The following RGS7 variants were observed in gnomAD, a reference collection of about 807,000 sequenced individuals.
RGS7 encodes regulator of G-protein signaling 7.
RGS7 carries 27 observed loss-of-function variants against 81.1 expected under a neutral mutation model. That is an observed-to-expected ratio of 0.33 (90% CI 0.25 to 0.46). The LOEUF (loss-of-function observed/expected upper bound fraction) is 0.46, where lower values mean the gene tolerates loss of function less well. RGS7 is among the 20% of genes least tolerant of loss of function. The pLI is 1.00. For missense variants in RGS7, 396 were observed against 607.4 expected, an observed-to-expected ratio of 0.65 and a Z score of 3.66; for synonymous variants, 208 against 207.7, an observed-to-expected ratio of 1.00 and a Z score of -0.01.
At chr1:240,806,389 A>T in intron 14 of RGS7, 63 bp from the exon 15 acceptor site, 1 of 1,509,480 alleles carries the variant, frequency 6.6e-7, no homozygotes. Flanking sequence ...TTCTTGTGAC[A>T]TTTACGGATC....
intron 3 of RGS7, among the ~76,000 whole-genome samples, chr1:241,067,215 T>C (rs1439076985): frequency 1.3e-5 from 2 of 152,186 alleles, no homozygotes; most frequent in Non-Finnish European, 2.9e-5. Context: ...GAAGATCAAC[T>C]CTCTCTTCCC....
At chr1:240,790,909 C>T (rs1685887549) in intron 18 of RGS7, among the ~76,000 whole-genome samples, 1 of 152,152 alleles carries the variant, frequency 6.6e-6, no homozygotes, top group South Asian at 2.1e-4. Context: ...ATAATCTTTT[C>T]TATCTCATGT....
At chr1:241,089,983 G>A (rs1453144809) in intron 3 of RGS7, among the ~76,000 whole-genome samples, 1 of 115,212 alleles carries the variant, frequency 8.7e-6, no homozygotes, top group African/African-American at 3.9e-5. Context: ...GGCAGAGTGA[G>A]ACTCCATCTC....
At chr1:241,155,531 G>A (rs1269685183) in intron 2 of RGS7, among the ~76,000 whole-genome samples, 1 of 145,248 alleles carries the variant, frequency 6.9e-6, no homozygotes, top group Non-Finnish European at 1.5e-5. Flanking sequence ...CTGTAAGAAA[G>A]CCCTGAGAAG....
chr1:240,957,416 T>C (rs1416454872), intron 4 of RGS7, among the ~76,000 whole-genome samples: 4 of 152,188 alleles, frequency 2.6e-5, no homozygotes, highest in Non-Finnish European at 2.9e-5. Context: ...TCCTTGCTCC[T>C]CACCTTGCAG....
intron 2 of RGS7, among the ~76,000 whole-genome samples, chr1:241,129,762 G>T (rs189248253): frequency 1.3e-5 from 2 of 152,002 alleles, no homozygotes; most frequent in African/African-American, 2.4e-5. Context: ...CCACGAGTCT[G>T]TATTTCCAAA....
intron 2 of RGS7, among the ~76,000 whole-genome samples, chr1:241,242,575 C>T (rs1213829528): frequency 2.0e-5 from 3 of 152,176 alleles, no homozygotes; most frequent in Non-Finnish European, 4.4e-5. Flanking sequence ...AGTGGTTGTA[C>T]TGGTTTACAT....
At chr1:241,114,333 CTCTCTT>C (rs1195791281) in intron 2 of RGS7, among the ~76,000 whole-genome samples, 1 of 152,124 alleles carries the variant, frequency 6.6e-6, no homozygotes, top group Non-Finnish European at 1.5e-5. Flanking sequence ...TTCTCTCTCT[CTCTCTT>C]TCTCTCTCTT....
intron 2 of RGS7, among the ~76,000 whole-genome samples, chr1:241,341,057 A>AT (rs1414990184): frequency 2.6e-5 from 4 of 152,228 alleles, no homozygotes; most frequent in African/African-American, 9.6e-5. Flanking sequence ...ATCAAGCCCT[A>AT]TTTTTGTGTG....
intron 2 of RGS7, among the ~76,000 whole-genome samples, chr1:241,314,226 C>T (rs565461941): frequency 7.9e-5 from 12 of 152,284 alleles, no homozygotes; most frequent in Admixed American, 5.2e-4. Flanking sequence ...AGAAATCTTT[C>T]GTGAAAGAAA....
intron 2 of RGS7, among the ~76,000 whole-genome samples, chr1:241,178,536 C>T (rs571898771): frequency 1.3e-5 from 2 of 151,910 alleles, no homozygotes; most frequent in South Asian, 4.2e-4. Context: ...TCAGCAAGGA[C>T]CAAGAAAGTA....
intron 3 of RGS7, among the ~76,000 whole-genome samples, chr1:241,033,373 G>C (rs558737166): frequency 2.6e-5 from 4 of 151,846 alleles, no homozygotes; most frequent in African/African-American, 7.3e-5. Context: ...CTGGGGGAGC[G>C]GGGGAGGAAA....
chr1:241,085,220 G>A (rs577389183), intron 3 of RGS7, among the ~76,000 whole-genome samples: 17 of 152,294 alleles, frequency 1.1e-4, no homozygotes, highest in African/African-American at 4.1e-4. Flanking sequence ...CTCTATGGTA[G>A]AATGGTAGAA....
rs1038551603 is a variant in RGS7, at chr1:241,047,141, T to C, written c.175+51525A>G. Among the ~76,000 whole-genome samples the C allele has an allele frequency of 4.6e-5, 7 of 152,312 alleles. No individual in the cohort carries two copies. In the South Asian group the frequency reaches 1.2e-3, roughly 27 times the overall value. On this transcript the variant is annotated intron_variant, in intron 3 of 18. Coordinates refer to ENST00000440928, the MANE Select transcript of RGS7 (RefSeq NM_001364886.1). ...GGCCAGGGCAAAAGGAGATGTTATATAGACAACCAGTTGCTTTGAGGTTTG... is the reference window on the plus strand; with the variant it reads ...GGCCAGGGCAAAAGGAGATGTTATACAGACAACCAGTTGCTTTGAGGTTTG...
At chr1:241,345,331 AC>A (rs1378923077) in intron 2 of RGS7, among the ~76,000 whole-genome samples, 1 of 152,016 alleles carries the variant, frequency 6.6e-6, no homozygotes, top group Non-Finnish European at 1.5e-5. Context: ...TGTACAACAA[AC>A]CCCCATGATA....
At chr1:241,012,062 C>CT (rs1215637842) in intron 3 of RGS7, among the ~76,000 whole-genome samples, 1 of 152,108 alleles carries the variant, frequency 6.6e-6, no homozygotes, top group Non-Finnish European at 1.5e-5. Flanking sequence ...GGGGTCTGGA[C>CT]TGGGACCCCT....
intron 2 of RGS7, among the ~76,000 whole-genome samples, chr1:241,344,706 T>C (rs1465511588): frequency 6.6e-6 from 1 of 152,210 alleles, no homozygotes; most frequent in African/African-American, 2.4e-5. Context: ...AAAAGCCTGA[T>C]TGAGAACCTA....
intron 3 of RGS7, among the ~76,000 whole-genome samples, chr1:241,077,414 T>C (rs2062864722): frequency 6.6e-6 from 1 of 152,174 alleles, no homozygotes; most frequent in Non-Finnish European, 1.5e-5. Flanking sequence ...ATCACAGTAC[T>C]TGGAGAGAAG....
intron 6 of RGS7, chr1:240,920,162 T>C (rs998713066): frequency 2.0e-6 from 2 of 980,256 alleles, no homozygotes; most frequent in African/African-American, 1.6e-5. Context: ...ACACTGTGAA[T>C]GGCCACAACT....
Sources: allele counts gnomAD v4.1 joint callset (sites outside exome capture counted in the v4.1 genomes callset), GRCh38; gene constraint gnomAD v4.1.1; transcripts MANE v1.5; gene names NCBI Gene and HGNC (gene_info 2026-07-23, HGNC 2026-07-21).